The following TMC2 variants were observed in gnomAD, a reference collection of about 807,000 sequenced individuals.
The protein encoded by TMC2 is transmembrane channel-like protein 2.
In TMC2, 102 loss-of-function variants were observed where a neutral mutation model predicts 105.9. The observed-to-expected ratio is 0.96, with a 90% CI of 0.82 to 1.14. TMC2 has a LOEUF of 1.14. Among genes scored for constraint, TMC2 ranks in the 50% most tolerant of loss-of-function variants. The pLI, the probability that TMC2 is intolerant of heterozygous loss-of-function variation, is 0.00. For missense variants in TMC2, 1,093 were observed against 1,134.3 expected (o/e 0.96, Z 0.52); for synonymous variants, 402 against 422.8 (o/e 0.95, Z 0.60).
At chr20:2,587,979 G>C (rs1007269334) in intron 7 of TMC2, among the ~76,000 whole-genome samples, 52 of 151,774 alleles carry the variant, frequency 3.4e-4, no homozygotes, top group Non-Finnish European at 7.4e-5. Context: ...AGAATTCTAA[G>C]AATGACCCTA....
Position 2,641,716 on chromosome 20 carries a change from G to A in TMC2, c.*365G>A, listed in dbSNP as rs533747572. On this transcript the variant is annotated 3_prime_UTR_variant, in exon 20 of 20. Transcript: ENST00000358864. The stretch of plus-strand genomic sequence containing the variant: ...TTCCATGGGATACAGTTTAGGACAC[G>A]GGTTTCTGCCAGCTTCCCTAACCAG... 14 of 204,434 alleles carry A rather than the reference G, an allele frequency of 6.8e-5. No homozygotes were observed. The highest frequency in any genetic ancestry group is 1.2e-4 in the East Asian group (1 of 8,692). The allele number at this position is 204,434 out of a possible 1,614,324, so 12.7% of individuals were successfully genotyped here. A position where few individuals can be genotyped will look rare whatever the true frequency, so the allele number is the denominator to read the frequency against.
At chr20:2,591,044 C>G (rs2086264519) in intron 7 of TMC2, among the ~76,000 whole-genome samples, 1 of 151,870 alleles carries the variant, frequency 6.6e-6, no homozygotes, top group South Asian at 2.1e-4. Context: ...ATTAAAAAGT[C>G]AATCCTTCCT....
chr20:2,624,219 A>C (rs1484158646), intron 16 of TMC2, 52 bp from the exon 17 acceptor site: 7 of 1,585,670 alleles, frequency 4.4e-6, no homozygotes, highest in Non-Finnish European at 5.2e-6. Flanking sequence ...CACAGCTGTG[A>C]ATGCCACAGG....
rs530765921 is a variant in TMC2 at position 2,627,980 on chromosome 20, C to T, written c.2306+3584C>T. ...GTCAGGAGTTTGAGACCAGCCTGGCCGGCATGGTGAAACCCCATGTCTACT... is the reference window on the plus strand; with the variant it reads ...GTCAGGAGTTTGAGACCAGCCTGGCTGGCATGGTGAAACCCCATGTCTACT... On this transcript the variant is annotated intron_variant, in intron 17 of 19. Transcript: ENST00000358864. 3.6e-3 allele frequency among the ~76,000 whole-genome samples: 547 copies of T among 152,082 alleles called. 5 individuals carry two copies. Among genetic ancestry groups the T allele is most frequent in the Non-Finnish European group, 6.5e-3 (443 of 67,964 alleles).
chr20:2,621,467 G>T (rs1349587505), intron 16 of TMC2, among the ~76,000 whole-genome samples: 1 of 151,484 alleles, frequency 6.6e-6, no homozygotes, highest in Admixed American at 6.6e-5. Flanking sequence ...TAAAGATTCT[G>T]TGCTGTTGGT....
chr20:2,641,036 C>T, intron 19 of TMC2, 98 bp from the exon 20 acceptor site: 2 of 1,060,196 alleles, frequency 1.9e-6, no homozygotes, highest in Non-Finnish European at 1.4e-6. Context: ...CCAAATAGGA[C>T]TAAAACCTAC....
chr20:2,638,185 CA>C (rs915690753), intron 19 of TMC2, among the ~76,000 whole-genome samples: 1 of 151,510 alleles, frequency 6.6e-6, no homozygotes, highest in Non-Finnish European at 1.5e-5. Context: ...ACTAAAAATA[CA>C]AAAAATTAGC....
intron 2 of TMC2, among the ~76,000 whole-genome samples, chr20:2,557,819 A>G (rs1380875259): frequency 5.3e-5 from 8 of 152,174 alleles, no homozygotes; most frequent in African/African-American, 9.7e-5. Flanking sequence ...GTGCGCCCCC[A>G]CCAAGGCAGT....
chr20:2,540,942 G>A (rs1171841585), intron 2 of TMC2, among the ~76,000 whole-genome samples: 1 of 151,886 alleles, frequency 6.6e-6, no homozygotes, highest in Non-Finnish European at 1.5e-5. Flanking sequence ...CTCTCCTCCT[G>A]CCTCCCACAC....
At chr20:2,610,651 T>G in intron 12 of TMC2, 53 bp downstream of exon 12, 1 of 1,145,258 alleles carries the variant, frequency 8.7e-7, no homozygotes, top group Non-Finnish European at 1.1e-6. Context: ...CCCATAGTAT[T>G]TTCTTTTTTA....
intron 2 of TMC2, among the ~76,000 whole-genome samples, chr20:2,557,736 G>T (rs1282194462): frequency 1.3e-5 from 2 of 152,112 alleles, no homozygotes; most frequent in Non-Finnish European, 2.9e-5. Context: ...TCACCACCTT[G>T]GCCAGTCTGG....
intron 17 of TMC2, among the ~76,000 whole-genome samples, chr20:2,632,147 G>A (rs1476529619): frequency 2.6e-5 from 4 of 151,830 alleles, no homozygotes; most frequent in Admixed American, 1.3e-4. Flanking sequence ...TCAGCCTGTC[G>A]AGTAGCTGGG....
rs1490702129 is a variant in TMC2, at chr20:2,616,722, A to G, written c.1941-350A>G. Reference sequence around the variant, plus strand: ...CTGCAAGCCACTGTCCAATTCTCTCAATTGAAGGACTTCAAATACTCTTCT... The same window carrying G: ...CTGCAAGCCACTGTCCAATTCTCTCGATTGAAGGACTTCAAATACTCTTCT... On this transcript the variant is annotated intron_variant, in intron 15 of 19. Coordinates refer to ENST00000358864, the MANE Select transcript of TMC2 (RefSeq NM_080751.3). The surrounding 1 kb of genome is among the most constrained non-coding windows in gnomAD (Gnocchi z 4.8). Among the ~76,000 whole-genome samples the G allele has an allele frequency of 6.6e-6, 1 of 152,220 alleles. No homozygotes were observed. The highest frequency in any genetic ancestry group is 1.5e-5 in the Non-Finnish European group (1 of 68,034).
At chr20:2,581,615 T>G (rs938452834) in intron 7 of TMC2, among the ~76,000 whole-genome samples, 4 of 152,240 alleles carry the variant, frequency 2.6e-5, no homozygotes, top group Non-Finnish European at 5.9e-5. Flanking sequence ...GAAATTTACC[T>G]TCACAAAGCT....
At chr20:2,610,770 G>A (rs1323031101) in intron 12 of TMC2, among the ~76,000 whole-genome samples, 172 bp downstream of exon 12, 1 of 151,398 alleles carries the variant, frequency 6.6e-6, no homozygotes, top group African/African-American at 2.4e-5. Context: ...GATGACCATT[G>A]TTAACCTTTT....
intron 3 of TMC2, among the ~76,000 whole-genome samples, chr20:2,559,157 A>T (rs2086007546): frequency 6.6e-6 from 1 of 152,138 alleles, no homozygotes; most frequent in Admixed American, 6.5e-5. Context: ...CTCGAAGAGG[A>T]GGAGCTGAGC....
chr20:2,613,561 G>A, intron 14 of TMC2: 1 of 489,926 alleles, frequency 2.0e-6, no homozygotes, highest in Non-Finnish European at 3.7e-6. Flanking sequence ...AGGAAATGGA[G>A]GCATTTGGCC....
chr20:2,554,388 G>T (rs2085974179), intron 2 of TMC2, among the ~76,000 whole-genome samples: 1 of 152,090 alleles, frequency 6.6e-6, no homozygotes. Flanking sequence ...TCTTTTCAAA[G>T]AACCTCTCTA....
intron 3 of TMC2, among the ~76,000 whole-genome samples, chr20:2,560,169 T>C (rs2086015399): frequency 6.6e-6 from 1 of 151,542 alleles, no homozygotes; most frequent in Non-Finnish European, 1.5e-5. Flanking sequence ...GGAATCTAAA[T>C]AAGCAATGAC....
Sources: gnomAD v4.1 joint callset for allele counts (sites outside exome capture counted in the v4.1 genomes callset) on GRCh38, gnomAD v4.1.1 for gene constraint, Gnocchi (gnomAD v3.1) non-coding constraint, MANE v1.5 for transcripts, NCBI Gene and HGNC (gene_info 2026-07-23, HGNC 2026-07-21) for gene names.